Variants in KMT2A observed in about 807,000 individuals in gnomAD.
KMT2A encodes the protein histone-lysine N-methyltransferase 2A.
A neutral mutation model predicts 345.3 loss-of-function variants in KMT2A; 16 were observed. The observed-to-expected ratio is 0.05, with a 90% CI of 0.03 to 0.07. The LOEUF is 0.07. KMT2A is among the 10% of genes least tolerant of loss of function. The pLI is 1.00. For synonymous variants in KMT2A, 1,599 were observed against 1,778.6 expected (o/e 0.90, Z 2.54); for missense variants, 3,272 against 4,841.6 (o/e 0.68, Z 9.62).
At chr11:118,508,620 A>G (rs1171573535) in intron 28 of KMT2A, among the ~76,000 whole-genome samples, 3 of 151,760 alleles carry the variant, frequency 2.0e-5, no homozygotes, top group African/African-American at 7.3e-5. Flanking sequence ...CCACAGTCCA[A>G]GCTAAGGCGG....
chr11:118,508,832 TG>T (rs1555049297), intron 28 of KMT2A, among the ~76,000 whole-genome samples: 3 of 152,260 alleles, frequency 2.0e-5, no homozygotes, highest in African/African-American at 7.2e-5. Flanking sequence ...GAATTGCTTC[TG>T]ACAAGTGTCC....
chr11:118,474,446 T>C (rs1591376917), intron 3 of KMT2A, 131 bp downstream of exon 3: 8 of 1,148,968 alleles, frequency 7.0e-6, no homozygotes, highest in Middle Eastern at 2.0e-4. Context: ...GCAGTGGTAT[T>C]TGCAGTAGTC....
In KMT2A at chr11:118,475,922, T is replaced by A. The variant is rs1950029440; in HGVS notation, c.3157-883T>A. 5.9e-5 allele frequency among the ~76,000 whole-genome samples: 9 copies of A among 152,232 alleles called. No homozygotes were observed. The South Asian group carries it at 1.9e-3, about 32-fold the overall frequency. On this transcript the variant is annotated intron_variant, in intron 3 of 35. Coordinates refer to ENST00000534358, the MANE Select transcript of KMT2A (RefSeq NM_001197104.2). ...AGCCTTTTATACTTTCTCTTTTTTT[T>A]GAGACGGAATTTCGCTCTTGTTGCC...
intron 10 of KMT2A, among the ~76,000 whole-genome samples, chr11:118,485,636 CAT>C (rs1264269184): frequency 6.6e-6 from 1 of 152,160 alleles, no homozygotes; most frequent in Admixed American, 6.5e-5. Context: ...TATCCTCTAA[CAT>C]AGCAATTGCA....
chr11:118,449,527 A>G (rs1949488177), intron 1 of KMT2A: 1 of 149,480 alleles, frequency 6.7e-6, no homozygotes, highest in Non-Finnish European at 1.5e-5. Context: ...TCGAGGCTGC[A>G]GTGAGCCATG....
chr11:118,489,340 TG>T (rs1380341457), intron 11 of KMT2A, among the ~76,000 whole-genome samples: 1 of 152,112 alleles, frequency 6.6e-6, no homozygotes, highest in African/African-American at 2.4e-5. Context: ...TGGTATCCTC[TG>T]GGGGTCCTGG....
rs1026330759 is a variant in KMT2A at position 118,507,625 on chromosome 11, C to A, written c.10835+16C>A. ...AACCTGCAGGGTAAGCTGAAGAATT[C>A]GTCTTTTAAGACTAAGCTCTCAGTT... On this transcript the variant is annotated intron_variant, in intron 28 of 35. Coordinates refer to ENST00000534358, the MANE Select transcript of KMT2A (RefSeq NM_001197104.2). The A allele has an allele frequency of 6.2e-7, 1 of 1,604,454 alleles. No individual in the cohort carries two copies. The highest frequency in any genetic ancestry group is 1.7e-5 in the Admixed American group (1 of 59,970).
Position 118,471,716 on chromosome 11 carries a change from A to G in KMT2A, c.557A>G (p.Asn186Ser). The G allele has an allele frequency of 6.2e-7, 1 of 1,605,238 alleles. No homozygotes were observed. The highest frequency in any genetic ancestry group is 8.5e-7 in the Non-Finnish European group (1 of 1,177,832). ...AGACCTAGAAGTGGCTCTGACCGAA[A>G]TTCAGCTATCCTCTCAGATCCATCT... ...RGRPRSGSDR[N>S]SAILSDPSVF... Residue 186 changes from asparagine to serine, a missense_variant, in exon 3 of 36, where the codon AAT (asparagine) becomes AGT (serine). By Grantham distance (46) the Asn-to-Ser change is conservative (BLOSUM62 1). Transcript: ENST00000534358.
Position 118,484,262 on chromosome 11 carries a change from C to G in KMT2A, c.4166C>G (p.Ser1389Cys). 4 of 1,614,054 alleles carry G rather than the reference C, an allele frequency of 2.5e-6. No homozygotes were observed. Among genetic ancestry groups the G allele is most frequent in the Non-Finnish European group, 3.4e-6 (4 of 1,179,978 alleles). The change falls in exon 9 of 36, where the codon TCT becomes TGT. Residue 1389 changes from serine to cysteine, a missense_variant. Transcript: ENST00000534358. This position sits in a 1 kb window ranked among gnomAD's most constrained non-coding sequence, Gnocchi z 4.1. ...ILSTLSNGNSSKQKIPADGVH... is the reference protein window; with the variant it reads ...ILSTLSNGNSCKQKIPADGVH... ...AGCACTCTCTCCAATGGCAATAGTT[C>G]TAAGCAAAAAATTCCAGCAGATGGA... is the stretch of plus-strand genomic sequence containing the variant.
chr11:118,524,454 T>C lies in KMT2A; in HGVS notation c.*2282T>C. 5.3e-6 allele frequency: 1 copy of C among 189,284 alleles called. No homozygotes were observed. The highest frequency in any genetic ancestry group is 1.1e-5 in the Non-Finnish European group (1 of 89,604). 11.7% of individuals were successfully genotyped at this position (189,284 alleles called of 1,614,324 possible). The stretch of plus-strand genomic sequence containing the variant: ...TAAGAACTTTGTCTGGTGGCTTTGC[T>C]GGAACATTGTCACTGTTTTCACTGT... On this transcript the variant is annotated 3_prime_UTR_variant, in exon 36 of 36. Coordinates refer to ENST00000534358, the MANE Select transcript of KMT2A (RefSeq NM_001197104.2).
chr11:118,494,703 C>A lies in KMT2A; in HGVS notation c.5299C>A (p.Arg1767Ser). The A allele has an allele frequency of 6.2e-7, 1 of 1,613,312 alleles. No homozygotes were observed. The highest frequency in any genetic ancestry group is 8.5e-7 in the Non-Finnish European group (1 of 1,179,536). ...VKSFFIRQMERVFPWFSVKKS... is the reference protein window; with the variant it reads ...VKSFFIRQMESVFPWFSVKKS... ...TTGTGTTTTCTTTTAGCAAATGGAA[C>A]GTGTTTTTCCATGGTTCAGTGTCAA... Residue 1767 changes from arginine to serine, a missense_variant, in exon 18 of 36, where the codon CGT (arginine) becomes AGT (serine). Physicochemically the swap from Arg to Ser is moderately radical, Grantham distance 110 (BLOSUM62 -1). Around this residue, in one of 27 missense-constraint regions of KMT2A, gnomAD observed 235 missense variants for 503.4 expected, o/e 0.47. Transcript: ENST00000534358. The surrounding 1 kb of genome is among the most constrained non-coding windows in gnomAD (Gnocchi z 5.8).
Position 118,515,434 on chromosome 11 carries a change from G to A in KMT2A, c.11146+3409G>A, listed in dbSNP as rs149816147. ...CATCTTATATAACAGAAAGTCCAGA[G>A]GTAGGGACAGACGTGTCAGGATTGA... is the stretch of plus-strand genomic sequence containing the variant. On this transcript the variant is annotated intron_variant, in intron 31 of 35. Transcript: ENST00000534358. 1.7e-3 allele frequency among the ~76,000 whole-genome samples: 258 copies of A among 152,312 alleles called. 1 individual carries two copies. Among genetic ancestry groups the A allele is most frequent in the African/African-American group, 5.9e-3 (245 of 41,566 alleles).
At chr11:118,518,044 T>C (rs561296039) in intron 31 of KMT2A, among the ~76,000 whole-genome samples, 39 of 152,314 alleles carry the variant, frequency 2.6e-4, no homozygotes, top group African/African-American at 8.9e-4. Flanking sequence ...TGTATGTCTG[T>C]TGGAATTGCA....
chr11:118,450,713 T>C (rs1392662245), intron 1 of KMT2A: 3 of 152,238 alleles, frequency 2.0e-5, no homozygotes, highest in Admixed American at 1.3e-4. Context: ...CTATCTGTTA[T>C]GCATTCAAAT....
rs1438586605 is a variant in KMT2A at position 118,521,560 on chromosome 11, G to A, written c.11643+143G>A. On this transcript the variant is annotated intron_variant, in intron 35 of 35. Transcript: ENST00000534358. The surrounding 1 kb of genome is among the most constrained non-coding windows in gnomAD (Gnocchi z 5.3). ...AAAATAAACTCTGAAATTTGTGAGGGGCCCAGTAAAAATACAGAATCCACT... is the reference window on the plus strand; with the variant it reads ...AAAATAAACTCTGAAATTTGTGAGGAGCCCAGTAAAAATACAGAATCCACT... 4.7e-6 allele frequency: 5 copies of A among 1,067,976 alleles called. No individual in the cohort carries two copies. The Admixed American group carries it at 1.2e-4, about 25-fold the overall frequency. The allele number at this position is 1,067,976 out of a possible 1,614,324, so 66.2% of individuals were successfully genotyped here. A position where few individuals can be genotyped will look rare whatever the true frequency, so the allele number is the denominator to read the frequency against.
chr11:118,511,901 G>T (rs1950695668), intron 30 of KMT2A, 50 bp from the exon 31 acceptor site: 2 of 1,410,180 alleles, frequency 1.4e-6, no homozygotes, highest in Non-Finnish European at 2.0e-6. Context: ...TATTAAGAAG[G>T]GTTTACGTGC....
Position 118,495,929 on chromosome 11 carries a change from C to T in KMT2A, c.5557+36C>T, listed in dbSNP as rs747699848. On this transcript the variant is annotated intron_variant, in intron 19 of 35. Coordinates refer to ENST00000534358, the MANE Select transcript of KMT2A (RefSeq NM_001197104.2). This position sits in a 1 kb window ranked among gnomAD's most constrained non-coding sequence, Gnocchi z 4.1. ...AAAAGGAGAGTCGTCACCCATTTCC[C>T]TCTAGATGCAGATGATTGACTTCGT... 4.0e-5 allele frequency: 60 copies of T among 1,509,166 alleles called. No homozygotes were observed. The highest frequency in any genetic ancestry group is 5.0e-5 in the Non-Finnish European group (55 of 1,105,676). 93.5% of individuals were successfully genotyped at this position (1,509,166 alleles called of 1,614,324 possible). A position where few individuals can be genotyped will look rare whatever the true frequency, so the allele number is the denominator to read the frequency against.
chr11:118,445,961 G>A (rs1051878636), intron 1 of KMT2A, among the ~76,000 whole-genome samples: 1 of 150,646 alleles, frequency 6.6e-6, no homozygotes, highest in Non-Finnish European at 1.5e-5. Context: ...CTGAGATTCC[G>A]CCACTACACT....
chr11:118,497,035 G>A lies in KMT2A; in HGVS notation c.5664+668G>A, dbSNP rs1197737163. Among the ~76,000 whole-genome samples, 4 of 151,366 alleles carry A rather than the reference G, an allele frequency of 2.6e-5. No homozygotes were observed. The highest frequency in any genetic ancestry group is 4.9e-5 in the African/African-American group (2 of 41,002). ...CTCTTGTTGCCCAGGCTGGAGTTTCGCTCTTGTTGCCCAGGCTGGAGTGCA... is the reference window on the plus strand; with the variant it reads ...CTCTTGTTGCCCAGGCTGGAGTTTCACTCTTGTTGCCCAGGCTGGAGTGCA... On this transcript the variant is annotated intron_variant, in intron 20 of 35. Coordinates refer to ENST00000534358, the MANE Select transcript of KMT2A (RefSeq NM_001197104.2). The surrounding 1 kb of genome is among the most constrained non-coding windows in gnomAD (Gnocchi z 4.8).
Sources: allele counts gnomAD v4.1 joint callset (sites outside exome capture counted in the v4.1 genomes callset), GRCh38; gene constraint gnomAD v4.1.1; regional missense constraint gnomAD v4.1.1; non-coding constraint Gnocchi (gnomAD v3.1); transcripts MANE v1.5; gene names NCBI Gene and HGNC (gene_info 2026-07-23, HGNC 2026-07-21).